Variants in GON4L observed in about 807,000 individuals in gnomAD.
GON4L encodes the protein gon-4 like.
A neutral mutation model predicts 211.8 loss-of-function variants in GON4L; 87 were observed. The observed-to-expected ratio is 0.41, with a 90% CI of 0.35 to 0.49. GON4L has a LOEUF of 0.49. Among genes scored for constraint, GON4L ranks in the 20% least tolerant of loss-of-function variants. GON4L has a pLI of 0.15. For missense variants in GON4L, 2,155 were observed against 2,659.5 expected (o/e 0.81, Z 4.17); for synonymous variants, 875 against 962.6 (o/e 0.91, Z 1.68).
At chr1:155,763,667 G>A in intron 21 of GON4L, 103 bp from the exon 22 acceptor site, 2 of 979,008 alleles carry the variant, frequency 2.0e-6, no homozygotes, top group South Asian at 1.7e-5. Flanking sequence ...ACAATGGGGA[G>A]CCCACTACAG....
Position 155,766,479 on chromosome 1 carries a change from T to C in GON4L, c.2994A>G (p.Ser998=), listed in dbSNP as rs749036507. 4 of 1,614,114 alleles carry C rather than the reference T, an allele frequency of 2.5e-6. No individual in the cohort carries two copies. In the Admixed American group the frequency reaches 5.0e-5, roughly 20 times the overall value. Residue 998 remains serine, a synonymous_variant, in exon 21 of 32, where the codon TCA becomes TCG. Coordinates refer to ENST00000368331, the MANE Select transcript of GON4L (RefSeq NM_001282860.2). ...FPRKAWRQKR[S]SVLKPLLIQP... ...GGATAAGGAGGGGCTTCAGGACTGA[T>C]GAACGCTTCTGTCTCCAAGCCTTCC...
At chr1:155,769,593 T>G (rs1203695480) in intron 19 of GON4L, among the ~76,000 whole-genome samples, 2 of 151,988 alleles carry the variant, frequency 1.3e-5, no homozygotes, top group African/African-American at 4.8e-5. Flanking sequence ...TTAAGTAACC[T>G]TTACTGTTGA....
chr1:155,844,474 T>G (rs902207686), intron 2 of GON4L, among the ~76,000 whole-genome samples: 1 of 152,120 alleles, frequency 6.6e-6, no homozygotes, highest in East Asian at 1.9e-4. Flanking sequence ...AACACCCTCC[T>G]GGCCAGGCAG....
In GON4L at chr1:155,766,581, C is replaced by A. The variant is rs1662515876; in HGVS notation, c.2892G>T (p.Gly964=). ...ATAGCAGTGGGTACCGAGATTCACT[C>A]CCCAACTCCAAATTGTCTTTTTCTA... is the stretch of plus-strand genomic sequence containing the variant. The part of the protein sequence containing the change: ...RSLEKDNLEL[G]SESRYPLLLP... The change falls in exon 21 of 32, where the codon GGG becomes GGT. Residue 964 remains glycine (G), a synonymous_variant. Coordinates refer to ENST00000368331, the MANE Select transcript of GON4L (RefSeq NM_001282860.2). The A allele has an allele frequency of 3.1e-6, 5 of 1,614,132 alleles. No individual in the cohort carries two copies. The South Asian group carries it at 4.4e-5, about 14-fold the overall frequency.
chr1:155,845,760 T>G (rs529864749), intron 2 of GON4L: 1 of 265,612 alleles, frequency 3.8e-6, no homozygotes, highest in Non-Finnish European at 7.6e-6. Flanking sequence ...CCAAAGGACT[T>G]AGGGCTGCCT....
At chr1:155,849,063 G>A (rs976904581) in intron 2 of GON4L, among the ~76,000 whole-genome samples, 3 of 147,158 alleles carry the variant, frequency 2.0e-5, no homozygotes, top group Non-Finnish European at 3.0e-5. Flanking sequence ...CAGGAGAATC[G>A]CTTGAACCCG....
chr1:155,777,887 C>G (rs540528829), intron 14 of GON4L, 67 bp from the exon 15 acceptor site: 4 of 935,898 alleles, frequency 4.3e-6, no homozygotes, highest in African/African-American at 3.2e-5. Context: ...CCAATTCGTT[C>G]CAATGATGAG....
At chr1:155,795,012 G>T in intron 12 of GON4L, 38 bp downstream of exon 12, 1 of 1,103,342 alleles carries the variant, frequency 9.1e-7, no homozygotes, top group Non-Finnish European at 1.4e-6. Flanking sequence ...CAGCTGCAAA[G>T]CAGTCAAGAG....
Position 155,821,552 on chromosome 1 carries a change from G to A in GON4L, c.889-4C>T, listed in dbSNP as rs765688558. On this transcript the variant is annotated splice_region_variant and splice_polypyrimidine_tract_variant and intron_variant, in intron 4 of 31. Transcript: ENST00000368331. ...CGTGTTCATTTGTGATTACTTCCTG[G>A]AGAAAGATGAAATTTCACTTTATGC... 1.9e-6 allele frequency: 3 copies of A among 1,578,832 alleles called. No homozygotes were observed. The highest frequency in any genetic ancestry group is 2.2e-5 in the East Asian group (1 of 44,620).
rs1397181550 is a variant in GON4L at position 155,766,107 on chromosome 1, T to A, written c.3366A>T (p.Arg1122Ser). The A allele has an allele frequency of 6.2e-7, 1 of 1,614,128 alleles. No homozygotes were observed. The highest frequency in any genetic ancestry group is 1.1e-5 in the South Asian group (1 of 91,082). ...KPYVRRRPSK[R>S]RGVKASPCMK... ...TACAGGGAGAGGCCTTGACTCCTCT[T>A]CTCTTTGAGGGTCTCCGTCTCACAT... The change falls in exon 21 of 32, where the codon AGA becomes AGT. Residue 1122 changes from arginine to serine, a missense_variant. Physicochemically the swap from Arg to Ser is moderately radical, Grantham distance 110. Around this residue, in one of 6 missense-constraint regions of GON4L, gnomAD observed 615 missense variants for 625.7 expected, o/e 0.98. Transcript: ENST00000368331.
Position 155,753,304 on chromosome 1 carries a change from C to T in GON4L, c.5742G>A (p.Lys1914=), listed in dbSNP as rs749637551. Residue 1914 remains lysine, a synonymous_variant, in exon 29 of 32, where the codon AAG becomes AAA. Coordinates refer to ENST00000368331, the MANE Select transcript of GON4L (RefSeq NM_001282860.2). The stretch of plus-strand genomic sequence containing the variant: ...CTGGGGCTTCCTCTTCCATCATATC[C>T]TTGCCCTGCCCAGCTTCCTTAGCAC... ...MPGAKEAGQG[K]DMMEEEAPEE... is the part of the protein sequence containing the mutation. The T allele has an allele frequency of 6.2e-7, 1 of 1,613,782 alleles. No individual in the cohort carries two copies.
At chr1:155,838,007 C>T (rs1670464858) in intron 2 of GON4L, among the ~76,000 whole-genome samples, 1 of 152,146 alleles carries the variant, frequency 6.6e-6, no homozygotes, top group Admixed American at 6.5e-5. Flanking sequence ...CTCACACCTC[C>T]CAACCTTTTG....
At chr1:155,778,308 G>A (rs2101858061) in intron 14 of GON4L, among the ~76,000 whole-genome samples, 1 of 152,114 alleles carries the variant, frequency 6.6e-6, no homozygotes, top group Non-Finnish European at 1.5e-5. Flanking sequence ...CTGGAGTGCA[G>A]TGGCACGATC....
chr1:155,814,232 C>T, intron 9 of GON4L, 98 bp downstream of exon 9: 1 of 1,172,148 alleles, frequency 8.5e-7, no homozygotes, highest in Non-Finnish European at 1.3e-6. Context: ...AAAAGGGTGA[C>T]AGCCCAGAAT....
chr1:155,787,076 C>A lies in GON4L; in HGVS notation c.1748-1702G>T, dbSNP rs552705009. ...AGCTGGGACTACAGGCGCCTGCCAC[C>A]GTGCCTGGCTAATTTTTTGTATTTT... is the stretch of plus-strand genomic sequence containing the variant. On this transcript the variant is annotated intron_variant, in intron 12 of 31. Coordinates refer to ENST00000368331, the MANE Select transcript of GON4L (RefSeq NM_001282860.2). Among the ~76,000 whole-genome samples the A allele has an allele frequency of 3.5e-3, 472 of 133,130 alleles. 1 individual carries two copies. The highest frequency in any genetic ancestry group is 5.2e-3 in the Non-Finnish European group (319 of 61,088). The allele number at this position is 133,130 out of a possible 152,430, so 87.3% of individuals were successfully genotyped here.
intron 23 of GON4L, 46 bp from the exon 24 acceptor site, chr1:155,760,687 C>T (rs764050767): frequency 1.5e-6 from 2 of 1,311,286 alleles, no homozygotes; most frequent in East Asian, 2.3e-5. Context: ...ATTTGGGCCA[C>T]AACAAGCAAT....
chr1:155,777,684 C>A lies in GON4L; in HGVS notation c.2029G>T (p.Val677Phe). 1 of 1,613,730 alleles carries A rather than the reference C, an allele frequency of 6.2e-7. No individual in the cohort carries two copies. Among genetic ancestry groups the A allele is most frequent in the Non-Finnish European group, 8.5e-7 (1 of 1,179,628 alleles). Reference protein sequence around the residue: ...VEKVKPQSEKVHQTLILDPAQ... With the variant: ...VEKVKPQSEKFHQTLILDPAQ... ...GGGTCCAGAATCAGAGTCTGATGAA[C>A]TTTCTCACTCTGGGGTTTAACCTTC... The change falls in exon 15 of 32, where the codon GTT (valine) becomes TTT (phenylalanine). Residue 677 changes from valine to phenylalanine, a missense_variant. Around this residue, in one of 6 missense-constraint regions of GON4L, gnomAD observed 551 missense variants for 854.0 expected, o/e 0.65. Transcript: ENST00000368331.
Position 155,765,948 on chromosome 1 carries a change from G to A in GON4L, c.3525C>T (p.Pro1175=). 2 of 1,614,166 alleles carry A rather than the reference G, an allele frequency of 1.2e-6. No individual in the cohort carries two copies. Among genetic ancestry groups the A allele is most frequent in the Non-Finnish European group, 1.7e-6 (2 of 1,180,032 alleles). ...QPVNAAVAQS[P]QTIPITTLLV... Reference sequence around the variant, plus strand: ...AGAGGGTAGTGATGGGAATAGTCTGGGGACTCTGGGCCACAGCCGCATTGA... The same window carrying A: ...AGAGGGTAGTGATGGGAATAGTCTGAGGACTCTGGGCCACAGCCGCATTGA... Residue 1175 remains proline, a synonymous_variant, in exon 21 of 32, where the codon CCC becomes CCT. Coordinates refer to ENST00000368331, the MANE Select transcript of GON4L (RefSeq NM_001282860.2).
At chr1:155,816,402 G>A in intron 6 of GON4L, 140 bp from the exon 7 acceptor site, 2 of 567,924 alleles carry the variant, frequency 3.5e-6, no homozygotes, top group Non-Finnish European at 6.4e-6. Flanking sequence ...TATCCCTGAG[G>A]GTATACTCTC....
Sources: allele counts gnomAD v4.1 joint callset (sites outside exome capture counted in the v4.1 genomes callset), GRCh38; gene constraint gnomAD v4.1.1; regional missense constraint gnomAD v4.1.1; transcripts MANE v1.5; gene names NCBI Gene and HGNC (gene_info 2026-07-23, HGNC 2026-07-21).